The following XRRA1 variants were observed in gnomAD, a reference collection of about 807,000 sequenced individuals.
XRRA1 encodes the protein X-ray radiation resistance-associated protein 1.
Under a neutral mutation model 80.2 loss-of-function variants are expected in XRRA1, and 69 were observed. That is an observed-to-expected ratio of 0.86 (90% CI 0.71 to 1.05). XRRA1 has a LOEUF of 1.05. Among genes scored for constraint, XRRA1 ranks in the 50% least tolerant of loss-of-function variants. The probability of loss-of-function intolerance (pLI) is 0.00; values close to 1 mark genes in which losing one functional copy is unlikely to be tolerated. For synonymous variants in XRRA1, 348 were observed against 389.9 expected (o/e 0.89, Z 1.27); for missense variants, 967 against 976.4 (o/e 0.99, Z 0.13).
intron 8 of XRRA1, among the ~76,000 whole-genome samples, chr11:74,917,360 A>C (rs1939055014): frequency 6.6e-6 from 1 of 152,178 alleles, no homozygotes. Context: ...AATTAGTTGC[A>C]GTTTGTCATC....
chr11:74,845,427 A>G (rs1460986455), intron 15 of XRRA1, among the ~76,000 whole-genome samples, 156 bp from the exon 16 acceptor site: 3 of 152,252 alleles, frequency 2.0e-5, no homozygotes, highest in Admixed American at 1.3e-4. Context: ...ATAAAAATAG[A>G]CAATTGATAA....
At chr11:74,943,311 A>G (rs1946717591) in intron 2 of XRRA1, among the ~76,000 whole-genome samples, 1 of 152,190 alleles carries the variant, frequency 6.6e-6, no homozygotes, top group South Asian at 2.1e-4. Flanking sequence ...CTTCAGAGAG[A>G]CAGGCATAAA....
At chr11:74,886,379 T>C (rs117149754) in intron 10 of XRRA1, among the ~76,000 whole-genome samples, 5,813 of 152,188 alleles carry the variant, frequency 0.038, 184 homozygotes, top group Non-Finnish European at 0.054. Context: ...GGATACAAAA[T>C]CAATGTACAA....
Position 74,878,699 on chromosome 11 carries a change from A to G in XRRA1, c.1004-15678T>C, listed in dbSNP as rs1381954773. Among the ~76,000 whole-genome samples, 4 of 148,704 alleles carry G rather than the reference A, an allele frequency of 2.7e-5. No homozygotes were observed. The South Asian group carries it at 6.4e-4, about 24-fold the overall frequency. On this transcript the variant is annotated intron_variant, in intron 10 of 18. Coordinates refer to ENST00000684022, the MANE Select transcript of XRRA1 (RefSeq NM_001378157.1). ...CTACATATGGCTAGCCAGTTTTCCC[A>G]GCACCATTTATTAAATAGGGAATCC... is the stretch of plus-strand genomic sequence containing the variant.
At chr11:74,865,488 A>C in intron 10 of XRRA1, among the ~76,000 whole-genome samples, 1 of 152,142 alleles carries the variant, frequency 6.6e-6, no homozygotes, top group East Asian at 1.9e-4. Context: ...GTGCGGAGAC[A>C]TGCAGGCAGA....
intron 15 of XRRA1, chr11:74,846,359 T>C (rs1406130198): frequency 6.6e-6 from 1 of 152,118 alleles, no homozygotes; most frequent in Non-Finnish European, 1.5e-5. Context: ...CACTGGTGAA[T>C]GCTACCAAAC....
chr11:74,933,912 C>G (rs1462989689), intron 4 of XRRA1, 40 bp from the exon 5 acceptor site: 1 of 1,561,230 alleles, frequency 6.4e-7, no homozygotes, highest in Admixed American at 1.8e-5. Context: ...AAGGCCCCTA[C>G]AAAGTTTAAT....
chr11:74,930,159 C>T (rs1943178233), intron 6 of XRRA1, 141 bp downstream of exon 6: 14 of 720,904 alleles, frequency 1.9e-5, no homozygotes, highest in African/African-American at 3.6e-5. Context: ...GGTCTTTGTG[C>T]TCTCCAGCAC....
chr11:74,850,185 C>T (rs1333870386), intron 14 of XRRA1, among the ~76,000 whole-genome samples: 1 of 152,194 alleles, frequency 6.6e-6, no homozygotes, highest in African/African-American at 2.4e-5. Flanking sequence ...CAGTTCACCT[C>T]TCTGAGTCTG....
At chr11:74,943,093 T>C (rs142525681) in intron 2 of XRRA1, among the ~76,000 whole-genome samples, 35 of 152,260 alleles carry the variant, frequency 2.3e-4, no homozygotes, top group Non-Finnish European at 4.7e-4. Context: ...ACCTAGAGAA[T>C]AAAAAGAGCA....
chr11:74,891,521 C>T (rs914243506), intron 10 of XRRA1, among the ~76,000 whole-genome samples: 13 of 152,294 alleles, frequency 8.5e-5, no homozygotes, highest in Admixed American at 2.6e-4. Flanking sequence ...TCTCACCACT[C>T]CTATTCAACA....
At chr11:74,849,274 A>C (rs2135487234) in intron 14 of XRRA1, among the ~76,000 whole-genome samples, 1 of 152,322 alleles carries the variant, frequency 6.6e-6, no homozygotes, top group Non-Finnish European at 1.5e-5. Flanking sequence ...TGTGGGCTAG[A>C]ATACAGGTCT....
intron 15 of XRRA1, 25 bp downstream of exon 15, chr11:74,848,090 G>A: frequency 6.3e-7 from 1 of 1,587,392 alleles, no homozygotes; most frequent in Non-Finnish European, 8.6e-7. Context: ...GCAACAAGTG[G>A]GCAGGGGCAG....
At chr11:74,925,482 A>G (rs995633219) in intron 7 of XRRA1, among the ~76,000 whole-genome samples, 1 of 152,244 alleles carries the variant, frequency 6.6e-6, no homozygotes, top group African/African-American at 2.4e-5. Flanking sequence ...CTGCAAATTC[A>G]GGATATTTGA....
chr11:74,912,471 T>C (rs532399884), intron 8 of XRRA1, among the ~76,000 whole-genome samples: 100 of 152,092 alleles, frequency 6.6e-4, no homozygotes, highest in Non-Finnish European at 1.4e-3. Context: ...GGGGCGAAAA[T>C]TGGAATCCAA....
rs1246953433 is a variant in XRRA1, at chr11:74,848,414, G to A, written c.1429C>T (p.His477Tyr). 1 of 1,613,694 alleles carries A rather than the reference G, an allele frequency of 6.2e-7. No individual in the cohort carries two copies. Among genetic ancestry groups the A allele is most frequent in the Non-Finnish European group, 8.5e-7 (1 of 1,179,666 alleles). Residue 477 changes from histidine to tyrosine, a missense_variant, in exon 15 of 19, where the codon CAC becomes TAC. Coordinates refer to ENST00000684022, the MANE Select transcript of XRRA1 (RefSeq NM_001378157.1). Reference sequence around the variant, plus strand: ...GACTTGGTTGTCGTCATGCGCGGGTGATGGAGCACCAGAGGCTGCTTCGGC... The same window carrying A: ...GACTTGGTTGTCGTCATGCGCGGGTAATGGAGCACCAGAGGCTGCTTCGGC... ...KVPKQPLVLH[H>Y]PRMTTTKSPS...
At chr11:74,885,966 A>G (rs2136997384) in intron 10 of XRRA1, among the ~76,000 whole-genome samples, 1 of 152,380 alleles carries the variant, frequency 6.6e-6, no homozygotes, top group Admixed American at 6.5e-5. Flanking sequence ...CAAAAACCAC[A>G]TGATCATCTT....
chr11:74,939,652 T>C (rs891417618), intron 3 of XRRA1, among the ~76,000 whole-genome samples: 2 of 152,238 alleles, frequency 1.3e-5, no homozygotes, highest in African/African-American at 4.8e-5. Context: ...AAGAAGCCCA[T>C]GTTCTTTTCA....
At chr11:74,861,374 G>A (rs936724677) in intron 11 of XRRA1, among the ~76,000 whole-genome samples, 2 of 152,118 alleles carry the variant, frequency 1.3e-5, no homozygotes, top group Non-Finnish European at 1.5e-5. Flanking sequence ...ACCTCCTGTC[G>A]GATCAGCAGT....
Sources: allele counts gnomAD v4.1 joint callset (sites outside exome capture counted in the v4.1 genomes callset), GRCh38; gene constraint gnomAD v4.1.1; transcripts MANE v1.5; gene names NCBI Gene and HGNC (gene_info 2026-07-23, HGNC 2026-07-21).